Variants in NSMAF observed in about 807,000 individuals in gnomAD.
NSMAF encodes neutral sphingomyelinase activation associated factor.
NSMAF carries 90 observed loss-of-function variants against 134.9 expected under a neutral mutation model. The observed-to-expected ratio is 0.67, with a 90% CI of 0.56 to 0.79. NSMAF has a LOEUF of 0.79. Ranked by LOEUF, NSMAF falls within the 30% of genes least tolerant of loss-of-function variation. The pLI is 0.00. For missense variants in NSMAF, 1,010 were observed against 1,119.0 expected (o/e 0.90, Z 1.39); for synonymous variants, 358 against 389.6 (o/e 0.92, Z 0.96).
chr8:58,597,319 T>A, intron 21 of NSMAF, 68 bp downstream of exon 21: 1 of 1,416,270 alleles, frequency 7.1e-7, no homozygotes, highest in Non-Finnish European at 9.9e-7. Context: ...TTATCTCCTC[T>A]TCAGAAACAT....
chr8:58,613,601 A>T (rs1806583439), intron 9 of NSMAF, among the ~76,000 whole-genome samples: 1 of 152,176 alleles, frequency 6.6e-6, no homozygotes. Context: ...ATACAGAAAC[A>T]ATGTGTGCCA....
intron 9 of NSMAF, among the ~76,000 whole-genome samples, chr8:58,616,389 AAAGAT>A (rs1352843684): frequency 2.0e-5 from 3 of 152,162 alleles, no homozygotes. Flanking sequence ...AATATGTAAA[AAAGAT>A]AAGATATCAT....
intron 1 of NSMAF, among the ~76,000 whole-genome samples, chr8:58,644,679 G>C (rs1200976651): frequency 6.6e-6 from 1 of 152,064 alleles, no homozygotes; most frequent in Admixed American, 6.6e-5. Context: ...TGTTTAATGC[G>C]GCACTGTTCA....
chr8:58,613,084 A>G (rs945584569), intron 9 of NSMAF, among the ~76,000 whole-genome samples: 1 of 152,206 alleles, frequency 6.6e-6, no homozygotes, highest in Admixed American at 6.5e-5. Context: ...AGTGTTTTAG[A>G]CTAAGGAAAA....
intron 6 of NSMAF, among the ~76,000 whole-genome samples, chr8:58,624,971 C>T (rs1227227858): frequency 6.6e-6 from 1 of 152,148 alleles, no homozygotes; most frequent in Non-Finnish European, 1.5e-5. Context: ...TATATGTCAG[C>T]TTGACTGGGC....
At chr8:58,626,374 A>G (rs183967854) in intron 6 of NSMAF, among the ~76,000 whole-genome samples, 2,168 of 152,200 alleles carry the variant, frequency 0.014, 57 homozygotes, top group African/African-American at 0.05. Flanking sequence ...GATTACAGGC[A>G]TGAGCCACTG....
At chr8:58,589,602 C>T (rs1672737401) in intron 25 of NSMAF, 27 bp from the exon 26 acceptor site, 3 of 1,549,482 alleles carry the variant, frequency 1.9e-6, no homozygotes, top group Non-Finnish European at 2.6e-6. Context: ...AGCATTAAAA[C>T]AGTAGTCTGG....
At chr8:58,626,046 C>T in intron 6 of NSMAF, among the ~76,000 whole-genome samples, 1 of 150,848 alleles carries the variant, frequency 6.6e-6, no homozygotes, top group Non-Finnish European at 1.5e-5. Context: ...CCGTCATCAC[C>T]ACCCCCATCC....
chr8:58,596,652 G>A (rs1466295145), intron 21 of NSMAF, among the ~76,000 whole-genome samples: 2 of 152,160 alleles, frequency 1.3e-5, no homozygotes, highest in South Asian at 2.1e-4. Flanking sequence ...ATGTGGGGCC[G>A]AGCGCGGTGG....
intron 11 of NSMAF, 104 bp downstream of exon 11, chr8:58,607,665 G>A (rs1806437608): frequency 4.7e-6 from 4 of 850,716 alleles, no homozygotes; most frequent in African/African-American, 1.7e-5. Flanking sequence ...ACAGGACAGT[G>A]TACTTGTACT....
chr8:58,585,116 G>C (rs1585721221), intron 30 of NSMAF, among the ~76,000 whole-genome samples: 1 of 152,136 alleles, frequency 6.6e-6, no homozygotes, highest in Non-Finnish European at 1.5e-5. Flanking sequence ...ACAATCTAGT[G>C]AATCTCCAAG....
chr8:58,634,571 C>T (rs1252146395), intron 5 of NSMAF, among the ~76,000 whole-genome samples: 1 of 152,164 alleles, frequency 6.6e-6, no homozygotes, highest in East Asian at 1.9e-4. Context: ...AACCCTTTCG[C>T]TTTAAAGATG....
chr8:58,600,183 G>A, intron 16 of NSMAF, 162 bp from the exon 17 acceptor site: 1 of 615,162 alleles, frequency 1.6e-6, no homozygotes, highest in Non-Finnish European at 2.8e-6. Context: ...TTTAACAAAA[G>A]GGAACACTGG....
intron 9 of NSMAF, among the ~76,000 whole-genome samples, chr8:58,618,102 A>G (rs1806704057): frequency 6.6e-6 from 1 of 152,162 alleles, no homozygotes; most frequent in South Asian, 2.1e-4. Context: ...ATAGGTGGGA[A>G]CTGAACAATG....
chr8:58,630,313 C>T (rs2065328185), intron 6 of NSMAF, among the ~76,000 whole-genome samples: 1 of 151,378 alleles, frequency 6.6e-6, no homozygotes, highest in Non-Finnish European at 1.5e-5. Flanking sequence ...CATTCCACCT[C>T]ACCCTTTTTT....
At chr8:58,609,545 A>G in intron 10 of NSMAF, 59 bp downstream of exon 10, 1 of 1,591,184 alleles carries the variant, frequency 6.3e-7, no homozygotes, top group Non-Finnish European at 8.6e-7. Flanking sequence ...TTGTGAGGCC[A>G]TGGTCTGGAA....
At chr8:58,631,360 G>T (rs1807053903) in intron 6 of NSMAF, 136 bp downstream of exon 6, 4 of 424,434 alleles carry the variant, frequency 9.4e-6, no homozygotes, top group South Asian at 4.9e-5. Context: ...GGGTAATTTT[G>T]TTATAACTTC....
intron 6 of NSMAF, among the ~76,000 whole-genome samples, chr8:58,631,023 A>C (rs1480590489): frequency 6.6e-6 from 1 of 152,210 alleles, no homozygotes; most frequent in African/African-American, 2.4e-5. Context: ...GTCTATGCTT[A>C]AGTGAAAGGT....
intron 24 of NSMAF, 127 bp from the exon 25 acceptor site, chr8:58,590,201 T>C: frequency 3.9e-6 from 3 of 765,758 alleles, no homozygotes; most frequent in Non-Finnish European, 6.4e-6. Context: ...TCCTCCTATT[T>C]ACGCAGATTT....
Sources: allele counts gnomAD v4.1 joint callset (sites outside exome capture counted in the v4.1 genomes callset), GRCh38; gene constraint gnomAD v4.1.1; transcripts MANE v1.5; gene names NCBI Gene and HGNC (gene_info 2026-07-23, HGNC 2026-07-21).